Variants in IRF5 observed in about 807,000 individuals in gnomAD.
IRF5 encodes interferon regulatory factor 5.
IRF5 carries 24 observed loss-of-function variants against 55.1 expected under a neutral mutation model. The ratio of observed to expected loss-of-function variants is 0.44; its 90% CI spans 0.32 to 0.61. The LOEUF (loss-of-function observed/expected upper bound fraction) is 0.61. IRF5 is among the 20% of genes least tolerant of loss of function. The pLI is 0.07. For missense variants in IRF5, 499 were observed against 658.5 expected, an observed-to-expected ratio of 0.76 and a Z score of 2.65; for synonymous variants, 258 against 260.2, an observed-to-expected ratio of 0.99 and a Z score of 0.08.
chr7:128,949,412 TAC>T lies in IRF5; in HGVS notation c.*595_*596del, dbSNP rs1796507613. On this transcript the variant is annotated 3_prime_UTR_variant, in exon 9 of 9. Transcript: ENST00000357234. ...GACTCAGCTGTTTCTTTCCTTTTACTACTACCAGTTGCTCCCATGCTGCTCCA... is the reference window on the plus strand; with the variant it reads ...GACTCAGCTGTTTCTTTCCTTTTACTTACCAGTTGCTCCCATGCTGCTCCA... 5 of 152,384 alleles carry T rather than the reference TAC, an allele frequency of 3.3e-5. No individual in the cohort carries two copies. The highest frequency in any genetic ancestry group is 1.2e-4 in the African/African-American group (5 of 41,474). 9.4% of individuals were successfully genotyped at this position (152,384 alleles called of 1,614,324 possible).
rs747091398 is a variant in IRF5 at position 128,948,543 on chromosome 7, T to G, written c.1300-30T>G. ...GGATCTGGCAGCCCTGCCACAGGTC[T>G]CCCTGTCTCATCTCCTCTTTGCCTC... On this transcript the variant is annotated intron_variant, in intron 8 of 8. Transcript: ENST00000357234. The surrounding 1 kb of genome is among the most constrained non-coding windows in gnomAD (Gnocchi z 4.6). 1.2e-6 allele frequency: 2 copies of G among 1,611,282 alleles called. No individual in the cohort carries two copies. The highest frequency in any genetic ancestry group is 1.7e-6 in the Non-Finnish European group (2 of 1,179,494).
Position 128,941,835 on chromosome 7 carries a change from G to C in IRF5, c.-11-236G>C, listed in dbSNP as rs147228396. Among the ~76,000 whole-genome samples the C allele has an allele frequency of 2.0e-5, 3 of 152,300 alleles. No individual in the cohort carries two copies. The East Asian group carries it at 5.8e-4, about 29-fold the overall frequency. On this transcript the variant is annotated intron_variant, in intron 1 of 8. Transcript: ENST00000357234. ...AGAATGGATGCCTCTGCCCGGTAAAGGGCACCTGGGGCCGCGCCCGCAGCA... is the reference window on the plus strand; with the variant it reads ...AGAATGGATGCCTCTGCCCGGTAAACGGCACCTGGGGCCGCGCCCGCAGCA...
chr7:128,938,287 T>A (rs1209086423), intron 1 of IRF5: 1 of 152,268 alleles, frequency 6.6e-6, no homozygotes, highest in African/African-American at 2.4e-5. Context: ...GCCTGGGACT[T>A]CCAAAGCGCC....
Position 128,946,078 on chromosome 7 carries a change from A to G in IRF5, c.385+44A>G. 2.0e-6 allele frequency: 3 copies of G among 1,518,538 alleles called. No homozygotes were observed. The highest frequency in any genetic ancestry group is 1.8e-6 in the Non-Finnish European group (2 of 1,131,638). The allele number at this position is 1,518,538 out of a possible 1,614,324, so 94.1% of individuals were successfully genotyped here. On this transcript the variant is annotated intron_variant, in intron 3 of 8. Coordinates refer to ENST00000357234, the MANE Select transcript of IRF5 (RefSeq NM_001098629.3). This position sits in a 1 kb window ranked among gnomAD's most constrained non-coding sequence, Gnocchi z 4.2. ...TGTGGGCCACCTGGGAGGCTGTGCA[A>G]TGTCCTGGCCCCCAGCCATGAGCTC...
Position 128,947,226 on chromosome 7 carries a change from G to C in IRF5, c.482-4G>C. ...TGACAGCCGTCCACACGCACTCTCT[G>C]TAGATGCAGTGCAGTCTGGCCCCCA... On this transcript the variant is annotated splice_region_variant and splice_polypyrimidine_tract_variant and intron_variant, in intron 5 of 8. Coordinates refer to ENST00000357234, the MANE Select transcript of IRF5 (RefSeq NM_001098629.3). This position sits in a 1 kb window ranked among gnomAD's most constrained non-coding sequence, Gnocchi z 6.5. The C allele has an allele frequency of 6.2e-7, 1 of 1,601,846 alleles. No homozygotes were observed. Among genetic ancestry groups the C allele is most frequent in the Non-Finnish European group, 8.5e-7 (1 of 1,173,302 alleles).
chr7:128,946,468 T>A lies in IRF5; in HGVS notation c.386-33T>A, dbSNP rs1342705778. 1 of 1,586,000 alleles carries A rather than the reference T, an allele frequency of 6.3e-7. No homozygotes were observed. Among genetic ancestry groups the A allele is most frequent in the Non-Finnish European group, 8.6e-7 (1 of 1,165,824 alleles). On this transcript the variant is annotated intron_variant, in intron 3 of 8. Coordinates refer to ENST00000357234, the MANE Select transcript of IRF5 (RefSeq NM_001098629.3). This position sits in a 1 kb window ranked among gnomAD's most constrained non-coding sequence, Gnocchi z 4.2. ...TGCTTCTCCTCCGACATTGACTCCT[T>A]TACTGCCCTGCTTTTCTCTCCCTGC...
At position 128,949,917 on chromosome 7, in the gene IRF5, C is replaced by G. The variant is rs888777047; in HGVS notation, c.*1099C>G. On this transcript the variant is annotated 3_prime_UTR_variant, in exon 9 of 9. Transcript: ENST00000357234. ...CTGTGTCATCTCTGCACACTCCAGCCCACTTTCTGCCTTCAGCCATTGAGT... is the reference window on the plus strand; with the variant it reads ...CTGTGTCATCTCTGCACACTCCAGCGCACTTTCTGCCTTCAGCCATTGAGT... 1.3e-5 allele frequency: 2 copies of G among 152,196 alleles called. No individual in the cohort carries two copies. Among genetic ancestry groups the G allele is most frequent in the African/African-American group, 4.8e-5 (2 of 41,440 alleles). 9.4% of individuals were successfully genotyped at this position (152,196 alleles called of 1,614,324 possible).
chr7:128,948,634 C>A lies in IRF5; in HGVS notation c.1361C>A (p.Ala454Asp). The stretch of plus-strand genomic sequence containing the variant: ...TTCTCAGGGGAGCTATCTTGGTCAG[C>A]TGATAGTATCCGGCTACAGATCTCA... Reference protein sequence around the residue: ...EMFSGELSWSADSIRLQISNP... With the variant: ...EMFSGELSWSDDSIRLQISNP... The change falls in exon 9 of 9, where the codon GCT becomes GAT. Residue 454 changes from alanine (A) to aspartate (D), a missense_variant. By Grantham distance (126) the Ala-to-Asp change is moderately radical (BLOSUM62 -2). This residue lies in a region of IRF5 where 194 missense variants were observed against 318.3 expected (regional missense o/e 0.61). Transcript: ENST00000357234. The surrounding 1 kb of genome is among the most constrained non-coding windows in gnomAD (Gnocchi z 4.6). 6.2e-7 allele frequency: 1 copy of A among 1,614,196 alleles called. No individual in the cohort carries two copies. Among genetic ancestry groups the A allele is most frequent in the Non-Finnish European group, 8.5e-7 (1 of 1,180,042 alleles).
chr7:128,938,433 C>A (rs1795850525), intron 1 of IRF5, among the ~76,000 whole-genome samples: 1 of 152,158 alleles, frequency 6.6e-6, no homozygotes, highest in Non-Finnish European at 1.5e-5. Context: ...TGGGGGTTCC[C>A]GGGAGCCCCG....
At position 128,946,518 on chromosome 7, in the gene IRF5, G is replaced by C; in HGVS notation, c.403G>C (p.Asp135His). 1.2e-6 allele frequency: 2 copies of C among 1,608,186 alleles called. No homozygotes were observed. Among genetic ancestry groups the C allele is most frequent in the Non-Finnish European group, 1.7e-6 (2 of 1,177,500 alleles). Residue 135 changes from aspartate (D) to histidine (H), a missense_variant, in exon 4 of 9, where the codon GAT (aspartate) becomes CAT (histidine). By Grantham distance (81) the Asp-to-His change is moderately conservative. This residue lies in a region of IRF5 where 305 missense variants were observed against 340.2 expected (regional missense o/e 0.90). Coordinates refer to ENST00000357234, the MANE Select transcript of IRF5 (RefSeq NM_001098629.3). The surrounding 1 kb of genome is among the most constrained non-coding windows in gnomAD (Gnocchi z 4.2). ...CTGTGCAGACTCCCAGCCCCCTGAG[G>C]ATTACTCTTTTGGTGCAGGAGAGGA... Reference protein sequence around the residue: ...PAPTDSQPPEDYSFGAGEEEE... With the variant: ...PAPTDSQPPEHYSFGAGEEEE...
In IRF5 at chr7:128,948,543, TC is replaced by T; in HGVS notation, c.1300-27del. On this transcript the variant is annotated intron_variant, in intron 8 of 8. Transcript: ENST00000357234. This position sits in a 1 kb window ranked among gnomAD's most constrained non-coding sequence, Gnocchi z 4.6. ...GGATCTGGCAGCCCTGCCACAGGTC[TC>T]CCTGTCTCATCTCCTCTTTGCCTCC... 6.2e-7 allele frequency: 1 copy of T among 1,611,280 alleles called. No homozygotes were observed. The highest frequency in any genetic ancestry group is 8.5e-7 in the Non-Finnish European group (1 of 1,179,492).
At position 128,946,705 on chromosome 7, in the gene IRF5, AC is replaced by A; in HGVS notation, c.447+144del. 4.5e-6 allele frequency: 3 copies of A among 669,450 alleles called. 1 individual carries two copies. The South Asian group carries it at 5.2e-5, about 12-fold the overall frequency. The allele number at this position is 669,450 out of a possible 1,614,324, so 41.5% of individuals were successfully genotyped here. The stretch of plus-strand genomic sequence containing the variant: ...CTTGTTTCTTCTCCTGGGATTCTGA[AC>A]GATAGGAGCACAGTCCCCACCTGCT... On this transcript the variant is annotated intron_variant, in intron 4 of 8. Transcript: ENST00000357234. The surrounding 1 kb of genome is among the most constrained non-coding windows in gnomAD (Gnocchi z 4.2).
chr7:128,946,639 C>A lies in IRF5; in HGVS notation c.447+77C>A. On this transcript the variant is annotated intron_variant, in intron 4 of 8. Transcript: ENST00000357234. This position sits in a 1 kb window ranked among gnomAD's most constrained non-coding sequence, Gnocchi z 4.2. ...CCCCATCGGCCTTAGGTTTCCGCAGCCCCACTCCCATGGAGCCCCGTGGCC... is the reference window on the plus strand; with the variant it reads ...CCCCATCGGCCTTAGGTTTCCGCAGACCCACTCCCATGGAGCCCCGTGGCC... 1 of 965,914 alleles carries A rather than the reference C, an allele frequency of 1.0e-6. No homozygotes were observed. Among genetic ancestry groups the A allele is most frequent in the Non-Finnish European group, 1.6e-6 (1 of 621,376 alleles). 59.8% of individuals were successfully genotyped at this position (965,914 alleles called of 1,614,324 possible). A position where few individuals can be genotyped will look rare whatever the true frequency, so the allele number is the denominator to read the frequency against.
intron 2 of IRF5, 40 bp from the exon 3 acceptor site, chr7:128,945,805 G>A: frequency 1.9e-6 from 3 of 1,581,068 alleles, no homozygotes; most frequent in Non-Finnish European, 2.6e-6. Flanking sequence ...CTGTGGCAGG[G>A]ATGAGGTTCT....
chr7:128,944,641 G>A (rs928274588), intron 2 of IRF5, among the ~76,000 whole-genome samples: 2 of 152,136 alleles, frequency 1.3e-5, no homozygotes, highest in African/African-American at 4.8e-5. Context: ...TAGCCTTCCT[G>A]AGAGATTTTT....
At chr7:128,938,949 CAGG>C (rs1795877682) in intron 1 of IRF5, among the ~76,000 whole-genome samples, 2 of 150,076 alleles carry the variant, frequency 1.3e-5, no homozygotes. Context: ...CCTCCAGCAG[CAGG>C]AGGAGAGGTC....
chr7:128,942,136 C>T lies in IRF5; in HGVS notation c.55C>T (p.Pro19Ser). ...CCCACCCCGCCGCGTGCGGCTGAAG[C>T]CCTGGCTGGTGGCCCAGGTGAACAG... ...PTPPRRVRLK[P>S]WLVAQVNSCQ... The change falls in exon 2 of 9, where the codon CCC (proline) becomes TCC (serine). Residue 19 changes from proline (P) to serine (S), a missense_variant. Transcript: ENST00000357234. 1 of 1,613,224 alleles carries T rather than the reference C, an allele frequency of 6.2e-7. No homozygotes were observed. The highest frequency in any genetic ancestry group is 8.5e-7 in the Non-Finnish European group (1 of 1,179,820).
intron 2 of IRF5, among the ~76,000 whole-genome samples, chr7:128,943,634 G>A (rs1796150126): frequency 6.8e-6 from 1 of 147,006 alleles, no homozygotes; most frequent in Non-Finnish European, 1.5e-5. Flanking sequence ...TCTGCCACCT[G>A]GGTTCAAGCA....
chr7:128,938,701 C>T (rs889573623), intron 1 of IRF5, among the ~76,000 whole-genome samples: 11 of 152,070 alleles, frequency 7.2e-5, no homozygotes, highest in African/African-American at 2.7e-4. Context: ...AAGGATGGGG[C>T]GCAATAGTTC....
Sources: allele counts gnomAD v4.1 joint callset (sites outside exome capture counted in the v4.1 genomes callset), GRCh38; gene constraint gnomAD v4.1.1; regional missense constraint gnomAD v4.1.1; non-coding constraint Gnocchi (gnomAD v3.1); transcripts MANE v1.5; gene names NCBI Gene and HGNC (gene_info 2026-07-23, HGNC 2026-07-21).